NUP107: variants seen among roughly 807,000 people sequenced by gnomAD.
NUP107 encodes the protein nucleoporin 107.
Under a neutral mutation model 141.0 loss-of-function variants are expected in NUP107, and 101 were observed. The ratio of observed to expected loss-of-function variants is 0.72; its 90% CI spans 0.61 to 0.84. The LOEUF is 0.84. NUP107 is among the 40% of genes least tolerant of loss of function. The pLI is 0.00. For missense variants in NUP107, 941 were observed against 1,102.7 expected (o/e 0.85, Z 2.08); for synonymous variants, 319 against 363.9 (o/e 0.88, Z 1.41).
At chr12:68,739,796 C>T (rs1225714033) in intron 26 of NUP107, 2 of 150,712 alleles carry the variant, frequency 1.3e-5, no homozygotes, top group African/African-American at 4.9e-5. Context: ...GAGATCGCGC[C>T]ACTGCACTCC....
rs552772701 is a variant in NUP107, at chr12:68,732,552, G to T, written c.1999-85G>T. 1.9e-5 allele frequency: 13 copies of T among 683,512 alleles called. No individual in the cohort carries two copies. The African/African-American group carries it at 2.4e-4, about 12-fold the overall frequency. The allele number at this position is 683,512 out of a possible 1,614,324, so 42.3% of individuals were successfully genotyped here. On this transcript the variant is annotated intron_variant, in intron 22 of 27. Coordinates refer to ENST00000229179, the MANE Select transcript of NUP107 (RefSeq NM_020401.4). ...AATGATGTTTACTGGAAGTACAGGT[G>T]TAAGTTAATTCTACTAATTTGTAGA...
intron 12 of NUP107, among the ~76,000 whole-genome samples, chr12:68,716,270 A>T (rs1877109928): frequency 8.0e-6 from 1 of 124,556 alleles, no homozygotes. Context: ...ATGGGATCTC[A>T]CTGTCGCCTA....
chr12:68,706,073 T>A (rs1454994749), intron 8 of NUP107: 3 of 784,292 alleles, frequency 3.8e-6, no homozygotes, highest in Non-Finnish European at 6.9e-6. Flanking sequence ...ATCAACAAAC[T>A]TCTGCTGGCA....
chr12:68,688,139 T>G (rs543631014), intron 1 of NUP107, among the ~76,000 whole-genome samples: 1 of 152,320 alleles, frequency 6.6e-6, no homozygotes, highest in Admixed American at 6.5e-5. Context: ...ATTGTAAATA[T>G]CATTTTAGGA....
At chr12:68,721,641 A>G (rs1273586069) in intron 15 of NUP107, among the ~76,000 whole-genome samples, 200 bp from the exon 16 acceptor site, 1 of 152,210 alleles carries the variant, frequency 6.6e-6, no homozygotes. Context: ...TGTTAACAGT[A>G]TGAAAAAATC....
In NUP107 at chr12:68,733,590, A is replaced by G; in HGVS notation, c.2240A>G (p.His747Arg). The change falls in exon 24 of 28, where the codon CAT becomes CGT. Residue 747 changes from histidine to arginine, a missense_variant. His to Arg is a conservative substitution (Grantham distance 29). Transcript: ENST00000229179. ...PAEDDNAIRE[H>R]LCIRAYLEAH... Reference sequence around the variant, plus strand: ...GAAGATGATAATGCTATCCGAGAACATTTGTGCATCAGAGCTTATTTGGTG... The same window carrying G: ...GAAGATGATAATGCTATCCGAGAACGTTTGTGCATCAGAGCTTATTTGGTG... 2 of 1,612,254 alleles carry G rather than the reference A, an allele frequency of 1.2e-6. No individual in the cohort carries two copies. Among genetic ancestry groups the G allele is most frequent in the Non-Finnish European group, 1.7e-6 (2 of 1,179,074 alleles).
intron 4 of NUP107, 87 bp from the exon 5 acceptor site, chr12:68,691,881 A>C (rs1875805851): frequency 9.0e-7 from 1 of 1,109,592 alleles, no homozygotes; most frequent in Admixed American, 3.2e-5. Context: ...TATAATTTTT[A>C]GAAACCTTAT....
In NUP107 at chr12:68,687,035, A is replaced by G. The variant is rs781003518; in HGVS notation, c.-31A>G. Reference sequence around the variant, plus strand: ...AAACGCGGTAGCTAAACTGCAGCCAACTTTGGTTGTGTGTGGAAAAGGCTT... The same window carrying G: ...AAACGCGGTAGCTAAACTGCAGCCAGCTTTGGTTGTGTGTGGAAAAGGCTT... On this transcript the variant is annotated 5_prime_UTR_variant, in exon 1 of 28. Transcript: ENST00000229179. The G allele has an allele frequency of 3.2e-5, 52 of 1,614,118 alleles. No individual in the cohort carries two copies. In the Admixed American group the frequency reaches 5.2e-4, roughly 16 times the overall value.
rs1256719383 is a variant in NUP107, at chr12:68,721,111, G to A, written c.1252-7G>A. 2 of 1,577,856 alleles carry A rather than the reference G, an allele frequency of 1.3e-6. No individual in the cohort carries two copies. Among genetic ancestry groups the A allele is most frequent in the Admixed American group, 3.4e-5 (2 of 58,720 alleles). ...TTTCAAATTTGTTTATATTCATTGT[G>A]TTTTAGGAGCTTTTTAATAGATACG... On this transcript the variant is annotated splice_polypyrimidine_tract_variant and splice_region_variant and intron_variant, in intron 14 of 27. Transcript: ENST00000229179.
At chr12:68,692,251 C>A in intron 5 of NUP107, 139 bp downstream of exon 5, 1 of 890,148 alleles carries the variant, frequency 1.1e-6, no homozygotes, top group Non-Finnish European at 1.6e-6. Flanking sequence ...GTAGCTTAAA[C>A]AACAGATTTT....
intron 20 of NUP107, among the ~76,000 whole-genome samples, chr12:68,728,161 T>C (rs1384694642): frequency 6.6e-6 from 1 of 151,482 alleles, no homozygotes; most frequent in East Asian, 2.0e-4. Context: ...CAGTGGTTCA[T>C]ATCTGTAAAC....
chr12:68,719,795 C>T, intron 14 of NUP107, 141 bp downstream of exon 14: 1 of 648,604 alleles, frequency 1.5e-6, no homozygotes, highest in Non-Finnish European at 2.7e-6. Flanking sequence ...GGCTTAACTA[C>T]TTATCAGAAT....
chr12:68,689,504 T>G, intron 2 of NUP107, 29 bp from the exon 3 acceptor site: 1 of 1,316,950 alleles, frequency 7.6e-7, no homozygotes, highest in Middle Eastern at 1.9e-4. Context: ...CTTTTCTACA[T>G]GGAAAACTTT....
intron 20 of NUP107, among the ~76,000 whole-genome samples, 162 bp downstream of exon 20, chr12:68,727,551 GA>G (rs1348610767): frequency 6.6e-6 from 1 of 151,910 alleles, no homozygotes; most frequent in Non-Finnish European, 1.5e-5. Context: ...CAGGGATTAG[GA>G]AAACAACCCC....
At chr12:68,699,490 A>G (rs1396033123) in intron 6 of NUP107, among the ~76,000 whole-genome samples, 4 of 152,244 alleles carry the variant, frequency 2.6e-5, no homozygotes, top group Admixed American at 6.5e-5. Context: ...ACAACTTTTT[A>G]TCATTTAATG....
rs142536288 is a variant in NUP107, at chr12:68,702,368, A to G, written c.681-368A>G. ...TCGAACACCCGACCTCAGGTGATCC[A>G]CCCACCTCAGCCTCCCAAAATGCTG... On this transcript the variant is annotated intron_variant, in intron 7 of 27. Transcript: ENST00000229179. Among the ~76,000 whole-genome samples the G allele has an allele frequency of 6.4e-3, 979 of 152,094 alleles. 11 individuals carry two copies. The highest frequency in any genetic ancestry group is 0.022 in the African/African-American group (933 of 41,496).
At chr12:68,687,405 A>T in intron 1 of NUP107, 1 of 1,093,994 alleles carries the variant, frequency 9.1e-7, no homozygotes, top group East Asian at 4.6e-5. Context: ...CTGAGATCAC[A>T]AAGCCAGTCA....
chr12:68,713,640 G>C, intron 10 of NUP107, 90 bp from the exon 11 acceptor site: 1 of 906,220 alleles, frequency 1.1e-6, no homozygotes, highest in Non-Finnish European at 1.8e-6. Flanking sequence ...ATTGTAGTCT[G>C]TCTTTCTTCC....
At chr12:68,689,251 T>G (rs1046759609) in intron 2 of NUP107, among the ~76,000 whole-genome samples, 198 bp downstream of exon 2, 1 of 152,224 alleles carries the variant, frequency 6.6e-6, no homozygotes, top group African/African-American at 2.4e-5. Context: ...AAAATAAAGA[T>G]ATTTCTTACT....
Sources: gnomAD v4.1 joint callset for allele counts (sites outside exome capture counted in the v4.1 genomes callset) on GRCh38, gnomAD v4.1.1 for gene constraint, MANE v1.5 for transcripts, NCBI Gene and HGNC (gene_info 2026-07-23, HGNC 2026-07-21) for gene names.